SESTD1: variants seen among roughly 807,000 people sequenced by gnomAD.
The protein encoded by SESTD1 is SEC14 and spectrin domain containing 1, also known as SEC14 domain and spectrin repeat-containing protein 1.
In SESTD1, 43 loss-of-function variants were observed where a neutral mutation model predicts 101.7. The ratio of observed to expected loss-of-function variants is 0.42; its 90% CI spans 0.33 to 0.55. The LOEUF is 0.55. Among genes scored for constraint, SESTD1 ranks in the 20% least tolerant of loss-of-function variants. The pLI is 0.07. For missense variants in SESTD1, 647 were observed against 815.1 expected (o/e 0.79, Z 2.51); for synonymous variants, 283 against 286.8 (o/e 0.99, Z 0.13).
chr2:179,153,977 C>T (rs1225171749), intron 5 of SESTD1, among the ~76,000 whole-genome samples: 1 of 150,980 alleles, frequency 6.6e-6, no homozygotes, highest in East Asian at 1.9e-4. Context: ...GGCACGGTGG[C>T]TCATGCCTAT....
At chr2:179,255,895 G>A (rs2047386577) in intron 1 of SESTD1, among the ~76,000 whole-genome samples, 1 of 152,092 alleles carries the variant, frequency 6.6e-6, no homozygotes, top group Non-Finnish European at 1.5e-5. Context: ...TTACCATTCT[G>A]AACTGACTGA....
intron 1 of SESTD1, among the ~76,000 whole-genome samples, chr2:179,263,004 G>C (rs1001222373): frequency 5.3e-4 from 81 of 152,252 alleles, no homozygotes; most frequent in African/African-American, 1.9e-3. Context: ...TTTGGTAAAT[G>C]CAATCAATTC....
At chr2:179,183,733 C>T (rs943709341) in intron 2 of SESTD1, among the ~76,000 whole-genome samples, 4 of 151,792 alleles carry the variant, frequency 2.6e-5, no homozygotes, top group African/African-American at 4.8e-5. Context: ...ATCCCAGCTA[C>T]TCAGGAGGCT....
chr2:179,151,414 G>C (rs17363449), intron 5 of SESTD1, 23 bp from the exon 6 acceptor site: 112,797 of 1,537,350 alleles, frequency 0.073, 4,526 homozygotes, highest in South Asian at 0.093. Context: ...TAAAAGAAAA[G>C]AAACATTTAG....
In SESTD1 at chr2:179,105,166, T is replaced by C. The variant is rs932016533; in HGVS notation, c.*4733A>G. ...GCCAGCACTAATTGTGGTCTTTTCA[T>C]GCTTTGTTCTGTTTTTTTTTTTTTT... is the stretch of plus-strand genomic sequence containing the variant. On this transcript the variant is annotated 3_prime_UTR_variant, in exon 18 of 18. Transcript: ENST00000428443. The C allele has an allele frequency of 2.8e-5, 4 of 141,498 alleles. No individual in the cohort carries two copies. Among genetic ancestry groups the C allele is most frequent in the Admixed American group, 7.0e-5 (1 of 14,334 alleles). The allele number at this position is 141,498 out of a possible 1,614,324, so 8.8% of individuals were successfully genotyped here.
At chr2:179,175,663 A>G (rs2045998535) in intron 4 of SESTD1, among the ~76,000 whole-genome samples, 1 of 152,214 alleles carries the variant, frequency 6.6e-6, no homozygotes, top group African/African-American at 2.4e-5. Flanking sequence ...GCCCTTCTAC[A>G]GAAGGCCAAG....
chr2:179,229,788 C>CACAG (rs769749568), intron 1 of SESTD1, among the ~76,000 whole-genome samples: 2,800 of 81,776 alleles, frequency 0.034, 52 homozygotes, highest in South Asian at 0.093. Context: ...CAAATACACA[C>CACAG]ACACACACAC....
chr2:179,180,949 A>C (rs1170323160), intron 3 of SESTD1, among the ~76,000 whole-genome samples: 1 of 152,174 alleles, frequency 6.6e-6, no homozygotes, highest in Non-Finnish European at 1.5e-5. Flanking sequence ...ATATTTGAGA[A>C]GGCCAAACTT....
In SESTD1 at chr2:179,122,618, G is replaced by A. The variant is rs139404107; in HGVS notation, c.1283-689C>T. 1.4e-3 allele frequency among the ~76,000 whole-genome samples: 209 copies of A among 152,254 alleles called. 2 individuals are homozygous for A. The highest frequency in any genetic ancestry group is 4.8e-3 in the African/African-American group (199 of 41,544). On this transcript the variant is annotated intron_variant, in intron 12 of 17. Transcript: ENST00000428443. ...AAAATAACAGAGGCTGGCCAGGTGC[G>A]CTGGCTCATGCCTGTAATCCCAGCA...
At chr2:179,190,802 G>A (rs558472706) in intron 2 of SESTD1, among the ~76,000 whole-genome samples, 5 of 152,186 alleles carry the variant, frequency 3.3e-5, no homozygotes, top group African/African-American at 1.2e-4. Context: ...TCACAGGAAT[G>A]CAATCAAATT....
intron 12 of SESTD1, 73 bp from the exon 13 acceptor site, chr2:179,122,002 A>G: frequency 6.9e-7 from 1 of 1,446,542 alleles, no homozygotes; most frequent in South Asian, 1.5e-5. Context: ...AAATCGTCTC[A>G]TCAGATATTG....
chr2:179,138,608 G>A (rs1056231027), intron 9 of SESTD1, among the ~76,000 whole-genome samples: 12 of 152,026 alleles, frequency 7.9e-5, no homozygotes, highest in Admixed American at 7.2e-4. Context: ...TATCACAAAG[G>A]ACTGCAAAAA....
chr2:179,110,792 CACT>C lies in SESTD1; in HGVS notation c.1962-767_1962-765del, dbSNP rs140456265. Among the ~76,000 whole-genome samples the C allele has an allele frequency of 3.0e-3, 455 of 152,182 alleles. 6 individuals carry two copies. The highest frequency in any genetic ancestry group is 0.011 in the African/African-American group (438 of 41,516). On this transcript the variant is annotated intron_variant, in intron 17 of 17. Coordinates refer to ENST00000428443, the MANE Select transcript of SESTD1 (RefSeq NM_178123.5). The stretch of plus-strand genomic sequence containing the variant: ...CCATTATATTAATAATTATGGAAAA[CACT>C]ACACACAACTTTGGGAAATATTTAA...
intron 1 of SESTD1, among the ~76,000 whole-genome samples, chr2:179,251,216 A>G (rs2047312549): frequency 6.6e-6 from 1 of 152,186 alleles, no homozygotes. Flanking sequence ...TGAAATGACA[A>G]AACTATAGAA....
chr2:179,157,218 C>A (rs765628646), intron 5 of SESTD1, among the ~76,000 whole-genome samples: 7 of 152,030 alleles, frequency 4.6e-5, no homozygotes, highest in African/African-American at 9.7e-5. Context: ...AAAGAAATCA[C>A]AGATGACACA....
chr2:179,247,410 GTTTGTTTTTGTT>G (rs527647927), intron 1 of SESTD1, among the ~76,000 whole-genome samples: 74 of 152,008 alleles, frequency 4.9e-4, no homozygotes, highest in Non-Finnish European at 8.1e-4. Context: ...CAAATATTTT[GTTTGTTTTTGTT>G]TTTGTTTTTG....
At chr2:179,142,269 G>T (rs1054068290) in intron 9 of SESTD1, among the ~76,000 whole-genome samples, 2 of 152,174 alleles carry the variant, frequency 1.3e-5, no homozygotes, top group African/African-American at 4.8e-5. Flanking sequence ...ACAGAAGTTT[G>T]CCAGCAACTA....
intron 5 of SESTD1, among the ~76,000 whole-genome samples, chr2:179,164,940 A>T (rs1044530788): frequency 6.6e-6 from 1 of 152,188 alleles, no homozygotes. Context: ...TTTTTAAAAT[A>T]TTTTTTTAAA....
At chr2:179,151,225 AAATAT>A in intron 6 of SESTD1, 48 bp downstream of exon 6, 1 of 1,234,986 alleles carries the variant, frequency 8.1e-7, no homozygotes, top group Non-Finnish European at 1.1e-6. Context: ...AAAGTTATCA[AAATAT>A]ATCTTATTTC....
Sources: gnomAD v4.1 joint callset for allele counts (sites outside exome capture counted in the v4.1 genomes callset) on GRCh38, gnomAD v4.1.1 for gene constraint, MANE v1.5 for transcripts, NCBI Gene and HGNC (gene_info 2026-07-23, HGNC 2026-07-21) for gene names.